The following PIK3C2G variants were observed in gnomAD, a reference collection of about 807,000 sequenced individuals.
PIK3C2G encodes the protein phosphatidylinositol 3-kinase C2 domain-containing subunit gamma.
Under a neutral mutation model 181.1 loss-of-function variants are expected in PIK3C2G, and 168 were observed. The ratio of observed to expected loss-of-function variants is 0.93; its 90% CI spans 0.82 to 1.05. The LOEUF (loss-of-function observed/expected upper bound fraction) is 1.05, where lower values mean the gene tolerates loss of function less well. Among genes scored for constraint, PIK3C2G ranks in the 50% least tolerant of loss-of-function variants. The pLI, the probability that PIK3C2G is intolerant of heterozygous loss-of-function variation, is 0.00. For missense variants in PIK3C2G, 1,869 were observed against 1,732.8 expected (o/e 1.08, Z -1.40); for synonymous variants, 573 against 592.2 (o/e 0.97, Z 0.47).
intron 18 of PIK3C2G, among the ~76,000 whole-genome samples, chr12:18,464,327 G>T (rs1278165027): frequency 6.6e-6 from 1 of 152,052 alleles, no homozygotes; most frequent in Non-Finnish European, 1.5e-5. Context: ...TCCCATTCAT[G>T]AGTTAGGAGG....
At chr12:18,367,428 G>T (rs950890141) in intron 12 of PIK3C2G, among the ~76,000 whole-genome samples, 1 of 152,072 alleles carries the variant, frequency 6.6e-6, no homozygotes, top group Non-Finnish European at 1.5e-5. Context: ...AACAATAGAA[G>T]ATTCTTCTCA....
intron 1 of PIK3C2G, among the ~76,000 whole-genome samples, chr12:18,252,780 A>G (rs1948107470): frequency 1.3e-5 from 2 of 152,176 alleles, no homozygotes; most frequent in Admixed American, 1.3e-4. Flanking sequence ...CTAGTTTGGA[A>G]GGAAGGCAGA....
At chr12:18,477,731 T>C (rs1939147693) in intron 18 of PIK3C2G, among the ~76,000 whole-genome samples, 1 of 152,158 alleles carries the variant, frequency 6.6e-6, no homozygotes, top group South Asian at 2.1e-4. Flanking sequence ...CTTTAATACC[T>C]TTACAGAATG....
intron 18 of PIK3C2G, among the ~76,000 whole-genome samples, chr12:18,442,476 T>G (rs979969226): frequency 6.6e-6 from 1 of 151,982 alleles, no homozygotes; most frequent in African/African-American, 2.4e-5. Context: ...GAAAGAAAAA[T>G]AAAAATATCT....
intron 29 of PIK3C2G, among the ~76,000 whole-genome samples, chr12:18,567,368 T>C (rs1945693133): frequency 6.6e-6 from 1 of 152,084 alleles, no homozygotes; most frequent in South Asian, 2.1e-4. Context: ...CACTGCACTC[T>C]AGCCTGGGTG....
chr12:18,472,635 A>T (rs1442196851), intron 18 of PIK3C2G, among the ~76,000 whole-genome samples: 1 of 152,062 alleles, frequency 6.6e-6, no homozygotes, highest in Non-Finnish European at 1.5e-5. Flanking sequence ...ACAGCAAATA[A>T]TTTTTTCTCT....
chr12:18,595,038 G>C (rs185698671), intron 30 of PIK3C2G, among the ~76,000 whole-genome samples: 23 of 152,114 alleles, frequency 1.5e-4, no homozygotes, highest in Admixed American at 1.1e-3. Flanking sequence ...ACAGTGATGA[G>C]TGACAAAAGA....
At chr12:18,341,834 T>G (rs929815424) in intron 9 of PIK3C2G, among the ~76,000 whole-genome samples, 2 of 152,158 alleles carry the variant, frequency 1.3e-5, no homozygotes, top group Non-Finnish European at 2.9e-5. Context: ...CTTTTCTTTT[T>G]CTTGGCTGCA....
the PIK3C2G span, among the ~76,000 whole-genome samples, chr12:18,721,840 T>C: frequency 3.1e-4 from 47 of 152,004 alleles, no homozygotes; most frequent in African/African-American, 8.9e-4. Context: ...TGAGACCAAA[T>C]TGTCACTAAG....
chr12:18,317,773 T>C (rs1950932302), intron 6 of PIK3C2G, among the ~76,000 whole-genome samples: 1 of 152,236 alleles, frequency 6.6e-6, no homozygotes, highest in African/African-American at 2.4e-5. Context: ...AATTCTGGTT[T>C]CATATTGCTG....
intron 24 of PIK3C2G, among the ~76,000 whole-genome samples, chr12:18,533,290 T>G (rs1943655410): frequency 6.6e-6 from 1 of 152,150 alleles, no homozygotes; most frequent in East Asian, 1.9e-4. Context: ...CAAATATAAC[T>G]TAAGCTCAAA....
chr12:18,292,991 T>C lies in PIK3C2G; in HGVS notation c.920-910T>C, dbSNP rs116359678. 9.0e-3 allele frequency among the ~76,000 whole-genome samples: 1,363 copies of C among 152,220 alleles called. 29 individuals are homozygous for C. Among genetic ancestry groups the C allele is most frequent in the African/African-American group, 0.031 (1,300 of 41,534 alleles). ...ATTGCATAGCTTCCCTGAAAATGAG[T>C]CCATTCATCTTTGAAACTTGGGATA... is the stretch of plus-strand genomic sequence containing the variant. On this transcript the variant is annotated intron_variant, in intron 4 of 32. Coordinates refer to ENST00000538779, the MANE Select transcript of PIK3C2G (RefSeq NM_001288772.2).
chr12:18,643,640 C>T (rs1233778203), intron 32 of PIK3C2G, among the ~76,000 whole-genome samples: 2 of 151,754 alleles, frequency 1.3e-5, no homozygotes, highest in Non-Finnish European at 2.9e-5. Flanking sequence ...TTTACTGTCT[C>T]TTGCCCTCAG....
At chr12:18,395,972 GACAA>G (rs1269279178) in intron 15 of PIK3C2G, among the ~76,000 whole-genome samples, 2 of 151,268 alleles carry the variant, frequency 1.3e-5, no homozygotes, top group African/African-American at 4.8e-5. Flanking sequence ...AAATGGTTTA[GACAA>G]ACAAAGAAAA....
At chr12:18,497,876 A>G in intron 22 of PIK3C2G, 128 bp downstream of exon 22, 1 of 533,350 alleles carries the variant, frequency 1.9e-6, no homozygotes, top group Non-Finnish European at 3.0e-6. Context: ...AACTATACAC[A>G]TTCTTCTTTT....
intron 20 of PIK3C2G, among the ~76,000 whole-genome samples, chr12:18,492,056 AT>A (rs1341952043): frequency 6.6e-6 from 1 of 152,204 alleles, no homozygotes; most frequent in African/African-American, 2.4e-5. Flanking sequence ...TAGAAAGCCC[AT>A]CTTGGCATTG....
the PIK3C2G span, among the ~76,000 whole-genome samples, chr12:18,675,313 T>C: frequency 6.6e-6 from 1 of 152,108 alleles, no homozygotes. Flanking sequence ...AGCCACTCTG[T>C]TTTGGGGAAA....
At chr12:18,580,001 C>T (rs899855331) in intron 29 of PIK3C2G, among the ~76,000 whole-genome samples, 4 of 151,868 alleles carry the variant, frequency 2.6e-5, no homozygotes, top group South Asian at 2.1e-4. Flanking sequence ...GGCGTGGTGG[C>T]GCGCACCTGT....
At chr12:18,334,001 A>G (rs1041284202) in intron 8 of PIK3C2G, among the ~76,000 whole-genome samples, 2 of 152,174 alleles carry the variant, frequency 1.3e-5, no homozygotes, top group African/African-American at 4.8e-5. Context: ...ACATTTTTCA[A>G]GTATGATTAA....
Sources: gnomAD v4.1 joint callset for allele counts (sites outside exome capture counted in the v4.1 genomes callset) on GRCh38, gnomAD v4.1.1 for gene constraint, MANE v1.5 for transcripts, NCBI Gene and HGNC (gene_info 2026-07-23, HGNC 2026-07-21) for gene names.